The following CCDC171 variants were observed in gnomAD, a reference collection of about 807,000 sequenced individuals.
CCDC171 encodes coiled-coil domain containing 171, also known as coiled-coil domain-containing protein 171.
CCDC171 carries 177 observed loss-of-function variants against 168.2 expected under a neutral mutation model. That is an observed-to-expected ratio of 1.05 (90% confidence interval 0.93 to 1.19). The LOEUF (loss-of-function observed/expected upper bound fraction) is 1.19, where lower values mean the gene tolerates loss of function less well. Ranked by LOEUF, CCDC171 falls within the 50% of genes most tolerant of loss-of-function variation. The pLI, the probability that CCDC171 is intolerant of heterozygous loss-of-function variation, is 0.00. For missense variants in CCDC171, 1,991 were observed against 1,539.0 expected (o/e 1.29, Z -4.91); for synonymous variants, 687 against 540.8 (o/e 1.27, Z -3.75).
At chr9:15,899,652 G>A (rs922123786) in intron 24 of CCDC171, among the ~76,000 whole-genome samples, 10 of 152,004 alleles carry the variant, frequency 6.6e-5, no homozygotes, top group Non-Finnish European at 1.3e-4. Flanking sequence ...TAAAATTTGC[G>A]ATTTGTATAT....
intron 25 of CCDC171, among the ~76,000 whole-genome samples, chr9:15,964,799 C>T (rs2132694065): frequency 6.6e-6 from 1 of 152,250 alleles, no homozygotes; most frequent in Non-Finnish European, 1.5e-5. Flanking sequence ...TCACTCTTGT[C>T]ACCCAGGCTG....
intron 11 of CCDC171, among the ~76,000 whole-genome samples, chr9:15,706,216 TCTTCCTTCCTTCCTTCCTTCCTTCCTTG>T (rs1357356871): frequency 2.0e-5 from 3 of 149,318 alleles, no homozygotes; most frequent in Non-Finnish European, 4.5e-5. Flanking sequence ...ACCCATGTAG[TCTTCCTTCCTTCCTTCCTTCCTTCCTTG>T]CTTCCTTCCT....
intron 24 of CCDC171, among the ~76,000 whole-genome samples, chr9:15,892,619 G>T (rs542764564): frequency 4.5e-4 from 68 of 151,996 alleles, no homozygotes; most frequent in Non-Finnish European, 7.7e-4. Context: ...CAAAATCGGT[G>T]TGCAAAAATC....
intron 1 of CCDC171, among the ~76,000 whole-genome samples, chr9:16,046,739 C>T (rs1927704): frequency 0.94 from 143,483 of 152,306 alleles, 67,684 homozygotes; most frequent in African/African-American, 0.98. Flanking sequence ...GCTTGTGTGC[C>T]GCCATGTAAG....
intron 11 of CCDC171, among the ~76,000 whole-genome samples, chr9:15,719,404 C>T (rs903253532): frequency 2.7e-4 from 5 of 18,356 alleles, no homozygotes; most frequent in East Asian, 8.9e-4. Context: ...GGGTGGGGGG[C>T]GGGGCGGGGG....
downstream of CCDC171, among the ~76,000 whole-genome samples, chr9:16,063,843 C>G (rs12339502): frequency 0.16 from 23,930 of 152,166 alleles, 1,988 homozygotes; most frequent in Admixed American, 0.22. Context: ...GTGACTCACC[C>G]GAGGTCACAC....
chr9:15,962,392 A>T (rs1449069846), intron 25 of CCDC171, among the ~76,000 whole-genome samples: 1 of 152,224 alleles, frequency 6.6e-6, no homozygotes, highest in South Asian at 2.1e-4. Flanking sequence ...TATTATTAAT[A>T]TAAACTAATC....
chr9:15,874,269 C>T (rs1817554298), intron 23 of CCDC171, among the ~76,000 whole-genome samples: 1 of 151,936 alleles, frequency 6.6e-6, no homozygotes, highest in African/African-American at 2.4e-5. Flanking sequence ...TAATTCAAAA[C>T]CTCTTGATCA....
At chr9:15,926,614 G>A (rs1343201759) in intron 25 of CCDC171, among the ~76,000 whole-genome samples, 1 of 151,528 alleles carries the variant, frequency 6.6e-6, no homozygotes, top group Non-Finnish European at 1.5e-5. Flanking sequence ...TGTACATTCT[G>A]ACACTGTTAC....
At position 15,750,803 on chromosome 9, in the gene CCDC171, C is replaced by G. The variant is rs546514025; in HGVS notation, c.2671+5172C>G. On this transcript the variant is annotated intron_variant, in intron 18 of 25. Transcript: ENST00000380701. Reference sequence around the variant, plus strand: ...TCATAATAATAAGAGCTGTTTATGACAAACCCACAGCCAATATCATACTGA... The same window carrying G: ...TCATAATAATAAGAGCTGTTTATGAGAAACCCACAGCCAATATCATACTGA... Among the ~76,000 whole-genome samples, 11 of 152,246 alleles carry G rather than the reference C, an allele frequency of 7.2e-5. No homozygotes were observed. In the South Asian group the frequency reaches 2.3e-3, roughly 32 times the overall value.
chr9:15,628,603 CACAG>C (rs1283983259), intron 7 of CCDC171, among the ~76,000 whole-genome samples: 5 of 152,214 alleles, frequency 3.3e-5, no homozygotes, highest in Non-Finnish European at 7.3e-5. Flanking sequence ...GGGGGCAGGG[CACAG>C]ACAAACAAAA....
chr9:15,635,645 C>A (rs925688982), intron 7 of CCDC171, among the ~76,000 whole-genome samples: 2 of 152,198 alleles, frequency 1.3e-5, no homozygotes, highest in African/African-American at 4.8e-5. Context: ...CTCACAGACA[C>A]ACCTAGGAAC....
intron 24 of CCDC171, among the ~76,000 whole-genome samples, chr9:15,892,153 A>G (rs1174696922): frequency 6.6e-6 from 1 of 152,222 alleles, no homozygotes; most frequent in African/African-American, 2.4e-5. Flanking sequence ...GCAAACAAAG[A>G]TAATTTGACT....
intron 25 of CCDC171, among the ~76,000 whole-genome samples, chr9:15,947,395 T>C (rs941848987): frequency 6.6e-6 from 1 of 151,998 alleles, no homozygotes; most frequent in Non-Finnish European, 1.5e-5. Context: ...CACCATTCTA[T>C]TTTTTCTCTA....
At chr9:16,070,827 C>T in the CCDC171 span, among the ~76,000 whole-genome samples, 2 of 152,216 alleles carry the variant, frequency 1.3e-5, no homozygotes, top group Admixed American at 6.5e-5. Flanking sequence ...GCACTCATTC[C>T]GTTTTTATGT....
At position 15,818,417 on chromosome 9, in the gene CCDC171, A is replaced by C. The variant is rs1308401902; in HGVS notation, c.3268-28285A>C. 1.7e-5 allele frequency among the ~76,000 whole-genome samples: 2 copies of C among 117,140 alleles called. 1 individual carries two copies. The highest frequency in any genetic ancestry group is 6.4e-5 in the African/African-American group (2 of 31,056). The allele number at this position is 117,140 out of a possible 152,430, so 76.8% of individuals were successfully genotyped here. A position where few individuals can be genotyped will look rare whatever the true frequency, so the allele number is the denominator to read the frequency against. ...ACTCCGAGCTAAAGGAGGAAGTTCG[A>C]ACGAATGGCAAAGAAGTTAAAAACC... On this transcript the variant is annotated intron_variant, in intron 21 of 25. Coordinates refer to ENST00000380701, the MANE Select transcript of CCDC171 (RefSeq NM_173550.4).
At chr9:15,608,944 CAAAAAAAAAA>C (rs71491669) in intron 6 of CCDC171, among the ~76,000 whole-genome samples, 3 of 13,724 alleles carry the variant, frequency 2.2e-4, no homozygotes, top group East Asian at 2.8e-3. Flanking sequence ...GACCCTGTCT[CAAAAAAAAAA>C]AAAAAAAAAA....
intron 21 of CCDC171, among the ~76,000 whole-genome samples, chr9:15,843,376 A>G (rs960115087): frequency 2.6e-5 from 4 of 152,212 alleles, no homozygotes; most frequent in African/African-American, 4.8e-5. Flanking sequence ...GACTCTTGTT[A>G]TCATATCTAG....
chr9:15,802,915 T>G (rs1376244717), intron 21 of CCDC171, among the ~76,000 whole-genome samples: 1 of 152,110 alleles, frequency 6.6e-6, no homozygotes, highest in Non-Finnish European at 1.5e-5. Context: ...CTTGCCAGCA[T>G]CTGTTGTTTT....
Sources: gnomAD v4.1 joint callset for allele counts (sites outside exome capture counted in the v4.1 genomes callset) on GRCh38, gnomAD v4.1.1 for gene constraint, MANE v1.5 for transcripts, NCBI Gene and HGNC (gene_info 2026-07-23, HGNC 2026-07-21) for gene names.